ZNF233: variants seen among roughly 807,000 people sequenced by gnomAD.
ZNF233 encodes zinc finger protein 233.
In ZNF233, 7 loss-of-function variants were observed where a neutral mutation model predicts 11.6. The ratio of observed to expected loss-of-function variants is 0.60; its 90% CI spans 0.34 to 1.13. ZNF233 has a LOEUF of 1.13. Ranked by LOEUF, ZNF233 falls within the 50% of genes most tolerant of loss-of-function variation. The pLI, the probability that ZNF233 is intolerant of heterozygous loss-of-function variation, is 0.03. For missense variants in ZNF233, 711 were observed against 785.5 expected, an observed-to-expected ratio of 0.91 and a Z score of 1.13; for synonymous variants, 226 against 268.5, an observed-to-expected ratio of 0.84 and a Z score of 1.55.
rs1346153474 is a variant in ZNF233, at chr19:44,264,445, T to TC, written c.15+71dup. On this transcript the variant is annotated intron_variant, in intron 2 of 4. Transcript: ENST00000683810. ...TCCTCAAAGATTAGACACTTTTTTT[T>TC]CTCTTCCTTGGGAAAGATAAAGGAG... 62 of 1,462,016 alleles carry TC rather than the reference T, an allele frequency of 4.2e-5. 1 individual carries two copies. The East Asian group carries it at 1.1e-3, about 26-fold the overall frequency. The allele number at this position is 1,462,016 out of a possible 1,614,324, so 90.6% of individuals were successfully genotyped here.
intron 4 of ZNF233, chr19:44,267,347 G>A: frequency 2.5e-6 from 1 of 394,484 alleles, no homozygotes; most frequent in Non-Finnish European, 4.4e-6. Context: ...ACATGCCAAG[G>A]GTGCTTTTTT....
intron 1 of ZNF233, among the ~76,000 whole-genome samples, chr19:44,262,803 A>G (rs1239114810): frequency 6.6e-6 from 1 of 152,240 alleles, no homozygotes; most frequent in Non-Finnish European, 1.5e-5. Context: ...AGTAAGTCAG[A>G]AGAGTCAATT....
intron 3 of ZNF233, 107 bp downstream of exon 3, chr19:44,266,431 G>A: frequency 7.5e-7 from 1 of 1,340,094 alleles, no homozygotes; most frequent in Non-Finnish European, 9.7e-7. Flanking sequence ...ACTTGGGGAT[G>A]TGAATTTTCT....
rs1975332849 is a variant in ZNF233 at position 44,274,312 on chromosome 19, TC to T, written c.1654del (p.Gln552LysfsTer154). On this transcript the variant is annotated frameshift_variant, in exon 5 of 5. Transcript: ENST00000683810. LOFTEE classifies it low-confidence loss of function (END_TRUNC). ...CGKGFSQSSH[L>X]QDHQQVHTGE... ...AAGGGCTTTAGTCAGAGTTCGCATCTCCAAGACCATCAGCAAGTCCATACTG... is the reference window on the plus strand; with the variant it reads ...AAGGGCTTTAGTCAGAGTTCGCATCTCAAGACCATCAGCAAGTCCATACTG... 1.9e-6 allele frequency: 3 copies of T among 1,613,828 alleles called. No individual in the cohort carries two copies. The East Asian group carries it at 6.7e-5, about 36-fold the overall frequency.
chr19:44,262,907 A>G (rs1024032802), intron 1 of ZNF233, among the ~76,000 whole-genome samples: 2 of 152,138 alleles, frequency 1.3e-5, no homozygotes, highest in Admixed American at 6.5e-5. Flanking sequence ...TCTGATCTCT[A>G]AGACATGATT....
At chr19:44,269,622 GGCCA>G (rs1173869135) in intron 4 of ZNF233, among the ~76,000 whole-genome samples, 1 of 151,332 alleles carries the variant, frequency 6.6e-6, no homozygotes, top group Admixed American at 6.6e-5. Context: ...TTTAATTTTT[GGCCA>G]ATTTTTTATT....
intron 4 of ZNF233, among the ~76,000 whole-genome samples, chr19:44,269,307 C>CT (rs1459912176): frequency 2.5e-5 from 3 of 118,078 alleles, no homozygotes; most frequent in African/African-American, 9.6e-5. Flanking sequence ...TTTTTTTTTT[C>CT]TTTTTTTGAG....
At chr19:44,266,772 A>C (rs1029700695) in intron 3 of ZNF233, 94 bp from the exon 4 acceptor site, 13 of 847,542 alleles carry the variant, frequency 1.5e-5, no homozygotes, top group African/African-American at 1.3e-4. Context: ...ATTTTGAAAA[A>C]TACTACTTAG....
Position 44,274,752 on chromosome 19 carries a change from T to C in ZNF233, c.*79T>C. 9.1e-7 allele frequency: 1 copy of C among 1,103,626 alleles called. No individual in the cohort carries two copies. The highest frequency in any genetic ancestry group is 1.7e-5 in the South Asian group (1 of 58,354). The allele number at this position is 1,103,626 out of a possible 1,614,324, so 68.4% of individuals were successfully genotyped here. ...TAGACTTCCCATTTTCCTCAGAAAA[T>C]CCACACAGCACAGAATATTTATAAA... On this transcript the variant is annotated 3_prime_UTR_variant, in exon 5 of 5. Transcript: ENST00000683810.
At chr19:44,269,609 T>A (rs1975187202) in intron 4 of ZNF233, among the ~76,000 whole-genome samples, 1 of 152,182 alleles carries the variant, frequency 6.6e-6, no homozygotes. Flanking sequence ...TCTTTACTTT[T>A]TTTTTAATTT....
intron 2 of ZNF233, 186 bp from the exon 3 acceptor site, chr19:44,266,012 A>G (rs1383556250): frequency 4.6e-6 from 2 of 432,134 alleles, no homozygotes; most frequent in Non-Finnish European, 7.8e-6. Context: ...TTTTGATGTG[A>G]CTGTGGAAAA....
chr19:44,266,312 C>T lies in ZNF233; in HGVS notation c.130C>T (p.Leu44=), dbSNP rs45559435. ...QDVMLENFRN[L]LSVGYQPFKL... is the part of the protein sequence containing the mutation. ...TGTGATGCTGGAGAACTTCAGGAAC[C>T]TGCTGTCAGTGGGTGAGCACAGGCA... is the stretch of plus-strand genomic sequence containing the variant. The change falls in exon 3 of 5, where the codon CTG becomes TTG. Residue 44 remains leucine (L), a synonymous_variant. Coordinates refer to ENST00000683810, the MANE Select transcript of ZNF233 (RefSeq NM_001207005.2). 2.7e-3 allele frequency: 4,266 copies of T among 1,605,668 alleles called. 67 individuals are homozygous for T. In the African/African-American group the frequency reaches 0.04, roughly 15 times the overall value.
chr19:44,268,671 C>G (rs982069438), intron 4 of ZNF233, among the ~76,000 whole-genome samples: 3 of 152,092 alleles, frequency 2.0e-5, no homozygotes, highest in Non-Finnish European at 2.9e-5. Flanking sequence ...GTAATGGCTC[C>G]CTCACAGATC....
chr19:44,267,285 T>C (rs1051322315), intron 4 of ZNF233: 14 of 404,440 alleles, frequency 3.5e-5, no homozygotes, highest in Non-Finnish European at 5.7e-5. Flanking sequence ...TCCTATCCTT[T>C]GCTTTTCACT....
intron 1 of ZNF233, among the ~76,000 whole-genome samples, chr19:44,263,643 C>T (rs1436187681): frequency 6.6e-6 from 1 of 152,082 alleles, no homozygotes; most frequent in Non-Finnish European, 1.5e-5. Flanking sequence ...ATGCTGATAT[C>T]AATTAAATAT....
At chr19:44,260,677 G>A (rs1291534204) in intron 1 of ZNF233, among the ~76,000 whole-genome samples, 1 of 152,148 alleles carries the variant, frequency 6.6e-6, no homozygotes, top group Non-Finnish European at 1.5e-5. Flanking sequence ...CCTCAGCCTT[G>A]ACTAACCGGA....
Position 44,274,307 on chromosome 19 carries a change from G to T in ZNF233, c.1647G>T (p.Ser549=). The change falls in exon 5 of 5, where the codon TCG becomes TCT. Residue 549 remains serine (S), a synonymous_variant. Coordinates refer to ENST00000683810, the MANE Select transcript of ZNF233 (RefSeq NM_001207005.2). ...ETCGKGFSQS[S]HLQDHQQVHT... is the part of the protein sequence containing the mutation. ...GTGGGAAGGGCTTTAGTCAGAGTTCGCATCTCCAAGACCATCAGCAAGTCC... is the reference window on the plus strand; with the variant it reads ...GTGGGAAGGGCTTTAGTCAGAGTTCTCATCTCCAAGACCATCAGCAAGTCC... 1 of 1,612,702 alleles carries T rather than the reference G, an allele frequency of 6.2e-7. No homozygotes were observed. The highest frequency in any genetic ancestry group is 8.5e-7 in the Non-Finnish European group (1 of 1,179,784).
At chr19:44,260,723 T>C (rs955698624) in intron 1 of ZNF233, among the ~76,000 whole-genome samples, 1 of 152,180 alleles carries the variant, frequency 6.6e-6, no homozygotes, top group East Asian at 1.9e-4. Context: ...CCCCTGGCTC[T>C]TGGTAACATT....
At chr19:44,265,715 C>G (rs953207279) in intron 2 of ZNF233, among the ~76,000 whole-genome samples, 1 of 152,136 alleles carries the variant, frequency 6.6e-6, no homozygotes, top group African/African-American at 2.4e-5. Context: ...CCACTGCGGC[C>G]GGCCACACAG....
Sources: allele counts gnomAD v4.1 joint callset (sites outside exome capture counted in the v4.1 genomes callset), GRCh38; gene constraint gnomAD v4.1.1; transcripts MANE v1.5; gene names NCBI Gene and HGNC (gene_info 2026-07-23, HGNC 2026-07-21).